The following INPP4B variants were observed in gnomAD, a reference collection of about 807,000 sequenced individuals.
INPP4B encodes the protein inositol polyphosphate 4-phosphatase type II.
In INPP4B, 55 loss-of-function variants were observed where a neutral mutation model predicts 122.5. That is an observed-to-expected ratio of 0.45 (90% CI 0.36 to 0.56). INPP4B has a LOEUF of 0.56. Among genes scored for constraint, INPP4B ranks in the 20% least tolerant of loss-of-function variants. The pLI is 0.00. For synonymous variants in INPP4B, 403 were observed against 388.7 expected, an observed-to-expected ratio of 1.04 and a Z score of -0.43; for missense variants, 1,000 against 1,097.7, an observed-to-expected ratio of 0.91 and a Z score of 1.26.
chr4:142,645,179 A>C (rs1304924466), intron 2 of INPP4B, among the ~76,000 whole-genome samples: 2 of 152,190 alleles, frequency 1.3e-5, no homozygotes, highest in Non-Finnish European at 2.9e-5. Context: ...TTTGTAAATG[A>C]TGATAATGAG....
intron 5 of INPP4B, among the ~76,000 whole-genome samples, chr4:142,413,164 G>A (rs1804958990): frequency 1.3e-5 from 2 of 152,170 alleles, no homozygotes; most frequent in East Asian, 3.9e-4. Context: ...TAGAAAATGT[G>A]TGGGTTTTTT....
intron 17 of INPP4B, among the ~76,000 whole-genome samples, chr4:142,157,160 T>A (rs532867275): frequency 8.5e-5 from 13 of 152,168 alleles, no homozygotes; most frequent in Non-Finnish European, 1.6e-4. Flanking sequence ...TCTAATTCAT[T>A]TAATACCACA....
At chr4:142,231,201 A>C (rs1337118228) in intron 12 of INPP4B, among the ~76,000 whole-genome samples, 1 of 152,238 alleles carries the variant, frequency 6.6e-6, no homozygotes. Flanking sequence ...TGGCAGCTGC[A>C]GGCAAGACAG....
intron 25 of INPP4B, among the ~76,000 whole-genome samples, chr4:142,061,010 C>T (rs990440184): frequency 2.6e-5 from 4 of 152,154 alleles, no homozygotes; most frequent in East Asian, 3.9e-4. Context: ...GGAGTTGGAC[C>T]GACTTTCACA....
At chr4:142,260,862 A>G (rs1176507792) in intron 10 of INPP4B, among the ~76,000 whole-genome samples, 4 of 152,206 alleles carry the variant, frequency 2.6e-5, no homozygotes, top group Non-Finnish European at 5.9e-5. Context: ...TAGCACAGTA[A>G]ATCATATTTG....
intron 2 of INPP4B, among the ~76,000 whole-genome samples, chr4:142,623,550 A>T (rs1745472569): frequency 6.6e-6 from 1 of 151,928 alleles, no homozygotes; most frequent in African/African-American, 2.4e-5. Context: ...ACAGGCCTGT[A>T]TAATTCACTC....
At chr4:142,676,409 T>C (rs994268535) in intron 2 of INPP4B, among the ~76,000 whole-genome samples, 1 of 152,116 alleles carries the variant, frequency 6.6e-6, no homozygotes, top group African/African-American at 2.4e-5. Flanking sequence ...AAAATGGCCA[T>C]ACTGCCCAAA....
At chr4:142,116,697 A>T (rs2203056) in intron 21 of INPP4B, among the ~76,000 whole-genome samples, 1 of 152,186 alleles carries the variant, frequency 6.6e-6, no homozygotes, top group Non-Finnish European at 1.5e-5. Context: ...CAAATGCCCA[A>T]AAGAGAAAGC....
intron 2 of INPP4B, among the ~76,000 whole-genome samples, chr4:142,597,057 A>C (rs749950550): frequency 6.6e-6 from 1 of 152,216 alleles, no homozygotes; most frequent in African/African-American, 2.4e-5. Flanking sequence ...GAGGATTTAC[A>C]TAATCTTATC....
chr4:142,424,226 G>A (rs1807555547), intron 5 of INPP4B, among the ~76,000 whole-genome samples: 1 of 151,772 alleles, frequency 6.6e-6, no homozygotes, highest in African/African-American at 2.4e-5. Context: ...GATACCCTAG[G>A]AAATAGGTTA....
At chr4:142,511,456 T>A (rs933354810) in intron 2 of INPP4B, among the ~76,000 whole-genome samples, 1 of 152,164 alleles carries the variant, frequency 6.6e-6, no homozygotes. Context: ...TAGACATTGT[T>A]TGGAAGGACA....
chr4:142,268,997 C>A (rs1422912104), intron 10 of INPP4B, among the ~76,000 whole-genome samples: 1 of 152,080 alleles, frequency 6.6e-6, no homozygotes, highest in African/African-American at 2.4e-5. Context: ...GAATATATAA[C>A]CCCCTATAAA....
rs1192540504 is a variant in INPP4B, at chr4:142,503,751, C to T, written c.-190-41025G>A. Among the ~76,000 whole-genome samples, 11 of 151,918 alleles carry T rather than the reference C, an allele frequency of 7.2e-5. No homozygotes were observed. In the East Asian group the frequency reaches 2.1e-3, roughly 29 times the overall value. On this transcript the variant is annotated intron_variant, in intron 2 of 25. Coordinates refer to ENST00000262992, the MANE Select transcript of INPP4B (RefSeq NM_001101669.3). Reference sequence around the variant, plus strand: ...GAGGTAATTAAAACTTATAATACAGCCACTGTATTATTACCAAATCAATAT... The same window carrying T: ...GAGGTAATTAAAACTTATAATACAGTCACTGTATTATTACCAAATCAATAT...
chr4:142,641,254 CTT>C (rs1381684332), intron 2 of INPP4B, among the ~76,000 whole-genome samples: 3 of 151,680 alleles, frequency 2.0e-5, no homozygotes, highest in Admixed American at 6.6e-5. Context: ...AGCACCAAAA[CTT>C]TTATTTTTTT....
chr4:142,081,995 C>A, intron 25 of INPP4B, 36 bp downstream of exon 25: 3 of 1,267,348 alleles, frequency 2.4e-6, no homozygotes, highest in African/African-American at 2.0e-5. Flanking sequence ...TCAAAATGAC[C>A]TTAAAAGAAA....
intron 1 of INPP4B, among the ~76,000 whole-genome samples, chr4:142,777,878 G>T (rs1656997820): frequency 6.6e-6 from 1 of 152,040 alleles, no homozygotes; most frequent in Non-Finnish European, 1.5e-5. Context: ...GAGTGGCACA[G>T]CCTACCAGCA....
At chr4:142,198,899 A>T (rs1839542654) in intron 14 of INPP4B, among the ~76,000 whole-genome samples, 1 of 151,542 alleles carries the variant, frequency 6.6e-6, no homozygotes, top group African/African-American at 2.4e-5. Flanking sequence ...TCCCTCCTTC[A>T]TTTTTCTGTT....
intron 7 of INPP4B, among the ~76,000 whole-genome samples, chr4:142,323,938 C>T (rs140185888): frequency 6.6e-6 from 1 of 152,152 alleles, no homozygotes; most frequent in Non-Finnish European, 1.5e-5. Context: ...GTGTCATTGG[C>T]TGAAATGTGT....
intron 2 of INPP4B, among the ~76,000 whole-genome samples, chr4:142,480,103 T>C (rs1296786701): frequency 6.6e-6 from 1 of 152,230 alleles, no homozygotes; most frequent in Non-Finnish European, 1.5e-5. Flanking sequence ...GCAACAGATC[T>C]ACATGTGCCA....
Sources: gnomAD v4.1 joint callset for allele counts (sites outside exome capture counted in the v4.1 genomes callset) on GRCh38, gnomAD v4.1.1 for gene constraint, MANE v1.5 for transcripts, NCBI Gene and HGNC (gene_info 2026-07-23, HGNC 2026-07-21) for gene names.